The following MACROD2 variants were observed in gnomAD, a reference collection of about 807,000 sequenced individuals.
MACROD2 encodes the protein ADP-ribose glycohydrolase MACROD2.
In MACROD2, 36 loss-of-function variants were observed where a neutral mutation model predicts 70.4. That is an observed-to-expected ratio of 0.51 (90% CI 0.39 to 0.68). MACROD2 has a LOEUF of 0.68. Ranked by LOEUF, MACROD2 falls within the 30% of genes least tolerant of loss-of-function variation. MACROD2 has a pLI of 0.00. For synonymous variants in MACROD2, 172 were observed against 178.8 expected, an observed-to-expected ratio of 0.96 and a Z score of 0.30; for missense variants, 496 against 538.4, an observed-to-expected ratio of 0.92 and a Z score of 0.78.
At chr20:15,921,372 AT>A (rs1336012665) in intron 10 of MACROD2, among the ~76,000 whole-genome samples, 1 of 152,170 alleles carries the variant, frequency 6.6e-6, no homozygotes, top group East Asian at 1.9e-4. Context: ...ACTTAGATCC[AT>A]CGTGAAGCAC....
At chr20:15,730,070 C>T (rs2050924889) in intron 8 of MACROD2, among the ~76,000 whole-genome samples, 1 of 152,062 alleles carries the variant, frequency 6.6e-6, no homozygotes, top group Non-Finnish European at 1.5e-5. Context: ...TCAGGTGATC[C>T]ACCTGCCTCA....
At chr20:15,146,513 A>T (rs992075532) in intron 5 of MACROD2, among the ~76,000 whole-genome samples, 7 of 152,192 alleles carry the variant, frequency 4.6e-5, no homozygotes, top group African/African-American at 1.7e-4. Context: ...CTAGAAATTC[A>T]GAATTCACCC....
At chr20:15,791,590 A>C (rs572542266) in intron 8 of MACROD2, among the ~76,000 whole-genome samples, 1 of 152,020 alleles carries the variant, frequency 6.6e-6, no homozygotes, top group Admixed American at 6.6e-5. Flanking sequence ...CAAAAGATAA[A>C]CACACATAAA....
At chr20:15,904,605 G>C (rs1035149273) in intron 10 of MACROD2, among the ~76,000 whole-genome samples, 1 of 151,772 alleles carries the variant, frequency 6.6e-6, no homozygotes, top group African/African-American at 2.4e-5. Context: ...AAGAAAGAAA[G>C]AAAGAGGCCA....
At chr20:15,226,851 G>T (rs1365948192) in intron 5 of MACROD2, among the ~76,000 whole-genome samples, 7 of 152,056 alleles carry the variant, frequency 4.6e-5, no homozygotes, top group Non-Finnish European at 5.9e-5. Context: ...CACTGAAAAT[G>T]ATGGGTTTAT....
At chr20:14,473,783 C>G (rs188423979) in intron 3 of MACROD2, among the ~76,000 whole-genome samples, 1 of 152,230 alleles carries the variant, frequency 6.6e-6, no homozygotes, top group East Asian at 1.9e-4. Flanking sequence ...GTAAGAGTTC[C>G]CCTTTCTTCA....
At chr20:14,316,834 C>A (rs543989724) in intron 3 of MACROD2, among the ~76,000 whole-genome samples, 1 of 152,316 alleles carries the variant, frequency 6.6e-6, no homozygotes, top group South Asian at 2.1e-4. Context: ...CAGTGTTTCT[C>A]CATACAGTAG....
chr20:15,663,524 T>C (rs1228137373), intron 8 of MACROD2, among the ~76,000 whole-genome samples: 1 of 151,924 alleles, frequency 6.6e-6, no homozygotes, highest in African/African-American at 2.4e-5. Context: ...GCATGAGCCA[T>C]CGTGCCTCGC....
At chr20:15,421,096 A>G (rs1367608708) in intron 6 of MACROD2, among the ~76,000 whole-genome samples, 2 of 152,144 alleles carry the variant, frequency 1.3e-5, no homozygotes, top group African/African-American at 4.8e-5. Flanking sequence ...TAAAAAAAAC[A>G]CAAGGGTGCG....
In MACROD2 at chr20:14,946,078, A is replaced by G. The variant is rs540642246; in HGVS notation, c.418+261119A>G. Among the ~76,000 whole-genome samples the G allele has an allele frequency of 2.0e-5, 3 of 152,260 alleles. No homozygotes were observed. The East Asian group carries it at 5.8e-4, about 29-fold the overall frequency. On this transcript the variant is annotated intron_variant, in intron 5 of 17. Transcript: ENST00000684519. ...GCCGGGCATATTGGCGAGTGCCTGT[A>G]ATCCCAGCTACTGGGGAGGCTGAGG...
intron 5 of MACROD2, among the ~76,000 whole-genome samples, chr20:15,066,964 A>G (rs2075581458): frequency 6.6e-6 from 1 of 152,178 alleles, no homozygotes; most frequent in South Asian, 2.1e-4. Context: ...AATATGAATA[A>G]CAATCATATA....
chr20:15,327,486 A>G (rs1403536062), intron 6 of MACROD2, among the ~76,000 whole-genome samples: 1 of 152,116 alleles, frequency 6.6e-6, no homozygotes, highest in African/African-American at 2.4e-5. Flanking sequence ...GCAGAAGGGG[A>G]AGCAAACACG....
At chr20:15,489,718 C>T (rs547284658) in intron 7 of MACROD2, among the ~76,000 whole-genome samples, 3 of 152,238 alleles carry the variant, frequency 2.0e-5, no homozygotes, top group South Asian at 4.1e-4. Flanking sequence ...GGTTTCAAAC[C>T]GTGTAACATC....
chr20:14,787,239 A>G (rs2072385996), intron 5 of MACROD2, among the ~76,000 whole-genome samples: 1 of 152,062 alleles, frequency 6.6e-6, no homozygotes, highest in African/African-American at 2.4e-5. Context: ...TCTTCTCTCA[A>G]TTGCCTTTTA....
intron 2 of MACROD2, among the ~76,000 whole-genome samples, chr20:14,011,543 T>C (rs528446736): frequency 4.6e-5 from 7 of 152,154 alleles, no homozygotes; most frequent in East Asian, 1.9e-4. Context: ...TTTTTTTTTT[T>C]GTAAGACGGA....
Position 14,238,255 on chromosome 20 carries a change from A to G in MACROD2, c.271+152527A>G, listed in dbSNP as rs1429962620. 4.6e-5 allele frequency among the ~76,000 whole-genome samples: 7 copies of G among 152,228 alleles called. No individual in the cohort carries two copies. The East Asian group carries it at 1.3e-3, about 29-fold the overall frequency. Reference sequence around the variant, plus strand: ...AAAGTTCATTTAACAAATGCAAATCAATAAATGTTATTTATTACATAAACA... The same window carrying G: ...AAAGTTCATTTAACAAATGCAAATCGATAAATGTTATTTATTACATAAACA... On this transcript the variant is annotated intron_variant, in intron 3 of 17. Transcript: ENST00000684519.
intron 6 of MACROD2, among the ~76,000 whole-genome samples, chr20:15,230,441 T>A (rs1167186407): frequency 1.3e-5 from 2 of 152,186 alleles, no homozygotes; most frequent in Non-Finnish European, 2.9e-5. Flanking sequence ...ATTGGTTGTA[T>A]GCTTGTGCAT....
At chr20:15,320,916 A>G (rs760820710) in intron 6 of MACROD2, among the ~76,000 whole-genome samples, 2 of 152,186 alleles carry the variant, frequency 1.3e-5, no homozygotes, top group African/African-American at 2.4e-5. Context: ...AGGCTGAGAC[A>G]TGTAGACTGT....
chr20:15,183,052 C>G (rs1241253102), intron 5 of MACROD2, among the ~76,000 whole-genome samples: 1 of 152,150 alleles, frequency 6.6e-6, no homozygotes, highest in Non-Finnish European at 1.5e-5. Flanking sequence ...ATTTCCACCA[C>G]CATCTATAGA....
Sources: allele counts gnomAD v4.1 joint callset (sites outside exome capture counted in the v4.1 genomes callset), GRCh38; gene constraint gnomAD v4.1.1; transcripts MANE v1.5; gene names NCBI Gene and HGNC (gene_info 2026-07-23, HGNC 2026-07-21).